The following VIPR2 variants were observed in gnomAD, a reference collection of about 807,000 sequenced individuals.
VIPR2 encodes vasoactive intestinal peptide receptor 2, also known as vasoactive intestinal polypeptide receptor 2.
In VIPR2, 48 loss-of-function variants were observed where a neutral mutation model predicts 58.0. That is an observed-to-expected ratio of 0.83 (90% CI 0.66 to 1.05). The LOEUF is 1.05. Among genes scored for constraint, VIPR2 ranks in the 50% least tolerant of loss-of-function variants. The pLI is 0.00. For synonymous variants in VIPR2, 243 were observed against 235.2 expected (o/e 1.03, Z -0.30); for missense variants, 534 against 558.0 (o/e 0.96, Z 0.43).
At chr7:159,068,342 T>C (rs938572174) in intron 4 of VIPR2, among the ~76,000 whole-genome samples, 1 of 152,174 alleles carries the variant, frequency 6.6e-6, no homozygotes, top group Non-Finnish European at 1.5e-5. Context: ...TTAAAATCTG[T>C]CAGAGAAATC....
intron 4 of VIPR2, among the ~76,000 whole-genome samples, chr7:159,090,148 A>ATG (rs2129495256): frequency 7.2e-6 from 1 of 138,828 alleles, no homozygotes; most frequent in African/African-American, 2.9e-5. Context: ...CGCTGGGACC[A>ATG]CACACAGGGG....
intron 4 of VIPR2, among the ~76,000 whole-genome samples, chr7:159,072,278 C>G (rs1856448964): frequency 1.3e-5 from 2 of 152,216 alleles, no homozygotes; most frequent in Admixed American, 6.5e-5. Flanking sequence ...AGTCCCATGT[C>G]TCTAAAGCTT....
At chr7:159,066,303 C>T (rs1856085717) in intron 4 of VIPR2, among the ~76,000 whole-genome samples, 1 of 150,940 alleles carries the variant, frequency 6.6e-6, no homozygotes, top group South Asian at 2.1e-4. Context: ...GCTCCCGCGG[C>T]GTCCGTGGAT....
At chr7:159,038,335 A>T (rs1049016770) in intron 6 of VIPR2, among the ~76,000 whole-genome samples, 2 of 152,068 alleles carry the variant, frequency 1.3e-5, no homozygotes, top group African/African-American at 4.8e-5. Context: ...GACACTGCAC[A>T]GGTGAGAGTT....
At chr7:159,110,233 A>T (rs1795940451) in intron 2 of VIPR2, among the ~76,000 whole-genome samples, 1 of 152,246 alleles carries the variant, frequency 6.6e-6, no homozygotes, top group South Asian at 2.1e-4. Context: ...GTATTAGTGT[A>T]AGGCCCCGTC....
In VIPR2 at chr7:159,128,486, C is replaced by T. The variant is rs557052547; in HGVS notation, c.151+13960G>A. On this transcript the variant is annotated intron_variant, in intron 2 of 12. Transcript: ENST00000262178. This position sits in a 1 kb window ranked among gnomAD's most constrained non-coding sequence, Gnocchi z 4.1. ...TCCCCTCCTGCCTTGGGCCTCCCAC[C>T]TGTGTGCTGGGACCCCTTCACCCTC... Among the ~76,000 whole-genome samples the T allele has an allele frequency of 6.6e-6, 1 of 152,320 alleles. No homozygotes were observed. Among genetic ancestry groups the T allele is most frequent in the Admixed American group, 6.5e-5 (1 of 15,312 alleles).
chr7:159,071,356 C>T (rs965782513), intron 4 of VIPR2, among the ~76,000 whole-genome samples: 4 of 152,238 alleles, frequency 2.6e-5, no homozygotes, highest in Non-Finnish European at 4.4e-5. Flanking sequence ...CTTCCTTCCT[C>T]CTGGGTCCCC....
chr7:159,030,459 G>T lies in VIPR2; in HGVS notation c.*157C>A, dbSNP rs529992048. 150 of 796,100 alleles carry T rather than the reference G, an allele frequency of 1.9e-4. No homozygotes were observed. In the African/African-American group the frequency reaches 2.4e-3, roughly 13 times the overall value. 49.3% of individuals were successfully genotyped at this position (796,100 alleles called of 1,614,324 possible). ...AATGACAACACGACTCCAATTCCAGGTATGGGGTTTAGTGGACAACCAGCT... is the reference window on the plus strand; with the variant it reads ...AATGACAACACGACTCCAATTCCAGTTATGGGGTTTAGTGGACAACCAGCT... On this transcript the variant is annotated 3_prime_UTR_variant, in exon 13 of 13. Coordinates refer to ENST00000262178, the MANE Select transcript of VIPR2 (RefSeq NM_003382.5).
chr7:159,034,431 G>A, intron 9 of VIPR2, 127 bp from the exon 10 acceptor site: 1 of 1,279,376 alleles, frequency 7.8e-7, no homozygotes, highest in South Asian at 1.3e-5. Context: ...ACTGCCTCTG[G>A]GGGTCCACAT....
intron 4 of VIPR2, among the ~76,000 whole-genome samples, chr7:159,076,683 C>T (rs1856652792): frequency 6.6e-6 from 1 of 151,962 alleles, no homozygotes; most frequent in South Asian, 2.1e-4. Flanking sequence ...ATTTAATTGG[C>T]TCAAAGAAAA....
At chr7:159,113,611 AATT>A (rs1375428656) in intron 2 of VIPR2, among the ~76,000 whole-genome samples, 6 of 152,254 alleles carry the variant, frequency 3.9e-5, no homozygotes, top group African/African-American at 1.4e-4. Context: ...TTTGATGCCT[AATT>A]ATTGAGAGGT....
chr7:159,117,378 G>A (rs368058378), intron 2 of VIPR2: 14 of 717,504 alleles, frequency 2.0e-5, no homozygotes, highest in Middle Eastern at 4.6e-4. Context: ...AACCTCCGGC[G>A]TGAATGAGGA....
intron 4 of VIPR2, among the ~76,000 whole-genome samples, chr7:159,072,473 T>TAA (rs1471921493): frequency 5.1e-4 from 78 of 152,220 alleles, no homozygotes; most frequent in Non-Finnish European, 9.0e-4. Context: ...GAGCCTTAAA[T>TAA]ACCTTTCTTA....
intron 4 of VIPR2, among the ~76,000 whole-genome samples, chr7:159,061,642 G>T (rs1413473305): frequency 6.6e-6 from 1 of 151,600 alleles, no homozygotes; most frequent in East Asian, 1.9e-4. Context: ...GACAGAGCGA[G>T]GACCTGTCGC....
chr7:159,076,304 T>A (rs1486944577), intron 4 of VIPR2, among the ~76,000 whole-genome samples: 2 of 152,142 alleles, frequency 1.3e-5, no homozygotes, highest in Non-Finnish European at 2.9e-5. Context: ...GTAAGATAGA[T>A]CAGCTTAGGG....
intron 4 of VIPR2, among the ~76,000 whole-genome samples, chr7:159,079,468 G>A (rs1421741923): frequency 2.0e-5 from 3 of 151,996 alleles, no homozygotes; most frequent in Admixed American, 6.6e-5. Context: ...CACATTCAAA[G>A]CAGTGTGGAG....
intron 3 of VIPR2, among the ~76,000 whole-genome samples, chr7:159,105,132 A>T (rs1308608038): frequency 1.3e-5 from 2 of 152,222 alleles, no homozygotes; most frequent in East Asian, 3.9e-4. Context: ...GCAGATGGCC[A>T]CACAGAACAG....
At chr7:159,035,763 C>G in intron 8 of VIPR2, 189 bp downstream of exon 8, 1 of 985,474 alleles carries the variant, frequency 1.0e-6, no homozygotes, top group Non-Finnish European at 1.2e-6. Context: ...CTGCACGGGG[C>G]TTCCTCCAAC....
chr7:159,048,059 C>T (rs1409829853), intron 5 of VIPR2, among the ~76,000 whole-genome samples: 2 of 152,106 alleles, frequency 1.3e-5, no homozygotes, highest in African/African-American at 4.8e-5. Context: ...AATGATTTAG[C>T]ATTTTTCTAA....
Sources: gnomAD v4.1 joint callset for allele counts (sites outside exome capture counted in the v4.1 genomes callset) on GRCh38, gnomAD v4.1.1 for gene constraint, Gnocchi (gnomAD v3.1) non-coding constraint, MANE v1.5 for transcripts, NCBI Gene and HGNC (gene_info 2026-07-23, HGNC 2026-07-21) for gene names.